The following ARMCX5 variants were observed in gnomAD, a reference collection of about 807,000 sequenced individuals.
ARMCX5 encodes the protein armadillo repeat-containing X-linked protein 5.
ARMCX5 carries 1 observed loss-of-function variant against 7.5 expected under a neutral mutation model. The observed-to-expected ratio is 0.13, with a 90% CI of 0.05 to 0.63. ARMCX5 has a LOEUF of 0.63. ARMCX5 is among the 30% of genes least tolerant of loss of function. The probability of loss-of-function intolerance (pLI) is 0.86; values close to 1 mark genes in which losing one functional copy is unlikely to be tolerated. For missense variants in ARMCX5, 346 were observed against 402.2 expected, an observed-to-expected ratio of 0.86 and a Z score of 1.19; for synonymous variants, 149 against 145.7, an observed-to-expected ratio of 1.02 and a Z score of -0.16.
rs1287872808 is a variant in ARMCX5, at chrX:102,602,915, T to C, written c.774T>C (p.Pro258=). 2 of 1,209,680 alleles carry C rather than the reference T, an allele frequency of 1.7e-6. No individual in the cohort carries two copies. Among genetic ancestry groups the C allele is most frequent in the Non-Finnish European group, 1.1e-6 (1 of 895,112 alleles). The part of the protein sequence containing the change: ...WTLVETLIET[P]LGIRPLTKIP... ...TGGTTGAGACCTTGATTGAAACTCC[T>C]CTGGGGATTCGACCTTTGACCAAGA... Residue 258 remains proline, a synonymous_variant, in exon 4 of 4, where the codon CCT becomes CCC. Transcript: ENST00000473968.
At chrX:102,600,865 T>G (rs759817555) in intron 1 of ARMCX5, 55 bp from the exon 2 acceptor site, 1 of 111,805 alleles carries the variant, frequency 8.9e-6, no homozygotes, top group Non-Finnish European at 1.9e-5. Flanking sequence ...AAAAACAGCC[T>G]CAACTGTCTC....
chrX:102,603,995 A>G lies in ARMCX5; in HGVS notation c.*177A>G, dbSNP rs2081075150. The G allele has an allele frequency of 5.6e-6, 2 of 357,289 alleles. No homozygotes were observed. Among genetic ancestry groups the G allele is most frequent in the Middle Eastern group, 7.4e-4 (1 of 1,348 alleles). The allele number at this position is 357,289 out of a possible 1,213,427, so 29.4% of individuals were successfully genotyped here. A position where few individuals can be genotyped will look rare whatever the true frequency, so the allele number is the denominator to read the frequency against. On this transcript the variant is annotated 3_prime_UTR_variant, in exon 4 of 4. Transcript: ENST00000473968. ...CATGTGCTGATTTTTATTGTGCTAT[A>G]TAGTATATAAATTGAGATATTTTTG... is the stretch of plus-strand genomic sequence containing the variant.
chrX:102,603,299 A>G lies in ARMCX5; in HGVS notation c.1158A>G (p.Pro386=), dbSNP rs751377279. Reference sequence around the variant, plus strand: ...ACAGCTCTGAGTCTTCCGAAGAACCAAAATCAGGGGAGTCATATATACATC... The same window carrying G: ...ACAGCTCTGAGTCTTCCGAAGAACCGAAATCAGGGGAGTCATATATACATC... The part of the protein sequence containing the change: ...VDDSSESSEE[P]KSGESYIHQV... Residue 386 remains proline, a synonymous_variant, in exon 4 of 4, where the codon CCA becomes CCG. Transcript: ENST00000473968. 4.5e-5 allele frequency: 54 copies of G among 1,209,129 alleles called. No homozygotes were observed. The highest frequency in any genetic ancestry group is 5.5e-5 in the Non-Finnish European group (49 of 894,696).
rs753895997 is a variant in ARMCX5 at position 102,602,889 on chromosome X, C to A, written c.748C>A (p.Leu250Met). The change falls in exon 4 of 4, where the codon CTG becomes ATG. Residue 250 changes from leucine to methionine, a missense_variant. Coordinates refer to ENST00000473968, the MANE Select transcript of ARMCX5 (RefSeq NM_001168478.2). Reference sequence around the variant, plus strand: ...CTTGCCTCCAGAAGGAAACTGGACCCTGGTTGAGACCTTGATTGAAACTCC... The same window carrying A: ...CTTGCCTCCAGAAGGAAACTGGACCATGGTTGAGACCTTGATTGAAACTCC... ...QSLPPEGNWT[L>M]VETLIETPLG... 3 of 1,211,389 alleles carry A rather than the reference C, an allele frequency of 2.5e-6. No individual in the cohort carries two copies. Among genetic ancestry groups the A allele is most frequent in the Non-Finnish European group, 3.4e-6 (3 of 895,294 alleles).
Position 102,602,141 on chromosome X carries a change from C to G in ARMCX5, c.-1C>G, listed in dbSNP as rs1293848744. 7 of 1,190,078 alleles carry G rather than the reference C, an allele frequency of 5.9e-6. No individual in the cohort carries two copies. On this transcript the variant is annotated 5_prime_UTR_variant, in exon 4 of 4. Transcript: ENST00000473968. Reference sequence around the variant, plus strand: ...ACTTGTCCTTACGTTAAACTTGGAACATGGTTGACTCTGGGACAGAAGCAA... The same window carrying G: ...ACTTGTCCTTACGTTAAACTTGGAAGATGGTTGACTCTGGGACAGAAGCAA...
In ARMCX5 at chrX:102,603,961, G is replaced by A; in HGVS notation, c.*143G>A. On this transcript the variant is annotated 3_prime_UTR_variant, in exon 4 of 4. Coordinates refer to ENST00000473968, the MANE Select transcript of ARMCX5 (RefSeq NM_001168478.2). ...TTTTATGGATACCAATTAATCTTGA[G>A]ATCCTGAACATGTGCTGATTTTTAT... The A allele has an allele frequency of 2.2e-6, 1 of 451,023 alleles. No homozygotes were observed. The highest frequency in any genetic ancestry group is 4.7e-4 in the Middle Eastern group (1 of 2,122). 37.2% of individuals were successfully genotyped at this position (451,023 alleles called of 1,213,427 possible). A position where few individuals can be genotyped will look rare whatever the true frequency, so the allele number is the denominator to read the frequency against.
In ARMCX5 at chrX:102,602,504, G is replaced by T. The variant is rs766774856; in HGVS notation, c.363G>T (p.Lys121Asn). The part of the protein sequence containing the change: ...MPMSRVSTVT[K>N]SEVKVVAVIE... ...TGTCTAGGGTCAGTACTGTAACCAA[G>T]TCTGAAGTCAAGGTTGTTGCTGTCA... Residue 121 changes from lysine to asparagine, a missense_variant, in exon 4 of 4, where the codon AAG becomes AAT. By Grantham distance (94) the Lys-to-Asn change is moderately conservative. This residue lies in a region of ARMCX5 where 204 missense variants were observed against 244.3 expected (regional missense o/e 0.83). Coordinates refer to ENST00000473968, the MANE Select transcript of ARMCX5 (RefSeq NM_001168478.2). 8.3e-7 allele frequency: 1 copy of T among 1,209,788 alleles called. No homozygotes were observed. Among genetic ancestry groups the T allele is most frequent in the Non-Finnish European group, 1.1e-6 (1 of 894,876 alleles).
Position 102,602,125 on chromosome X carries a change from T to TA in ARMCX5, c.-16dup, listed in dbSNP as rs780086263. On this transcript the variant is annotated 5_prime_UTR_variant, in exon 4 of 4. Coordinates refer to ENST00000473968, the MANE Select transcript of ARMCX5 (RefSeq NM_001168478.2). ...CGGGTGGGGGTATATAACTTGTCCT[T>TA]ACGTTAAACTTGGAACATGGTTGAC... The TA allele has an allele frequency of 1.7e-6, 2 of 1,171,327 alleles. No individual in the cohort carries two copies. The highest frequency in any genetic ancestry group is 4.6e-5 in the Admixed American group (2 of 43,452).
rs763262040 is a variant in ARMCX5 at position 102,602,352 on chromosome X, A to C, written c.211A>C (p.Met71Leu). 1 of 1,211,683 alleles carries C rather than the reference A, an allele frequency of 8.3e-7. No individual in the cohort carries two copies. The highest frequency in any genetic ancestry group is 1.8e-5 in the South Asian group (1 of 56,984). Reference sequence around the variant, plus strand: ...ACATACAGTGACCTACAGGGAGGCTATGGCTGTGACAAGGGAAGTGATCAA... The same window carrying C: ...ACATACAGTGACCTACAGGGAGGCTCTGGCTGTGACAAGGGAAGTGATCAA... Reference protein sequence around the residue: ...RTHTVTYREAMAVTREVIKVE... With the variant: ...RTHTVTYREALAVTREVIKVE... Residue 71 changes from methionine (M) to leucine (L), a missense_variant, in exon 4 of 4, where the codon ATG becomes CTG. Physicochemically the swap from Met to Leu is conservative, Grantham distance 15 (BLOSUM62 2). Coordinates refer to ENST00000473968, the MANE Select transcript of ARMCX5 (RefSeq NM_001168478.2).
At position 102,602,488 on chromosome X, in the gene ARMCX5, T is replaced by C; in HGVS notation, c.347T>C (p.Val116Ala). ...TCAAAGGCCATGCCTATGTCTAGGGTCAGTACTGTAACCAAGTCTGAAGTC... is the reference window on the plus strand; with the variant it reads ...TCAAAGGCCATGCCTATGTCTAGGGCCAGTACTGTAACCAAGTCTGAAGTC... ...TKSKAMPMSRVSTVTKSEVKV... is the reference protein window; with the variant it reads ...TKSKAMPMSRASTVTKSEVKV... Residue 116 changes from valine to alanine, a missense_variant, in exon 4 of 4, where the codon GTC (valine) becomes GCC (alanine). Val to Ala is a moderately conservative substitution (Grantham distance 64, BLOSUM62 0). Transcript: ENST00000473968. 8.3e-7 allele frequency: 1 copy of C among 1,211,223 alleles called. No individual in the cohort carries two copies. Among genetic ancestry groups the C allele is most frequent in the South Asian group, 1.8e-5 (1 of 56,974 alleles).
Position 102,603,443 on chromosome X carries a change from T to G in ARMCX5, c.1302T>G (p.Ile434Met). The G allele has an allele frequency of 8.3e-7, 1 of 1,208,360 alleles. No homozygotes were observed. The highest frequency in any genetic ancestry group is 1.1e-6 in the Non-Finnish European group (1 of 892,890). Residue 434 changes from isoleucine to methionine, a missense_variant, in exon 4 of 4, where the codon ATT becomes ATG. Around this residue, in one of 3 missense-constraint regions of ARMCX5, gnomAD observed 139 missense variants for 141.1 expected, o/e 0.99. Coordinates refer to ENST00000473968, the MANE Select transcript of ARMCX5 (RefSeq NM_001168478.2). ...ATCACTATGTGATTACCAGTTATAT[T>G]CCAGATTTCCTCACCTTGTTAAACA... is the stretch of plus-strand genomic sequence containing the variant. ...FEDHYVITSY[I>M]PDFLTLLNKG...
rs1489317559 is a variant in ARMCX5, at chrX:102,599,794, A to ACAG, written c.-472_-470dup. 1 of 105,619 alleles carries ACAG rather than the reference A, an allele frequency of 9.5e-6. No individual in the cohort carries two copies. Among genetic ancestry groups the ACAG allele is most frequent in the Non-Finnish European group, 1.9e-5 (1 of 51,742 alleles). 8.7% of individuals were successfully genotyped at this position (105,619 alleles called of 1,213,427 possible). ...CTGTCTGTTCCTGCTGCTGTATGAC[A>ACAG]CAGCACCTCGAGGCAAGGAAATAAG... is the stretch of plus-strand genomic sequence containing the variant. On this transcript the variant is annotated 5_prime_UTR_variant, in exon 1 of 4. Transcript: ENST00000473968.
rs769008473 is a variant in ARMCX5, at chrX:102,602,996, T to C, written c.855T>C (p.Ile285=). The C allele has an allele frequency of 8.3e-7, 1 of 1,211,132 alleles. No homozygotes were observed. Residue 285 remains isoleucine (I), a synonymous_variant, in exon 4 of 4, where the codon ATT becomes ATC. Coordinates refer to ENST00000473968, the MANE Select transcript of ARMCX5 (RefSeq NM_001168478.2). ...YQTLAEIKKQ[I]RQREKYGPNP... ...CCTTAGCTGAGATCAAAAAACAGAT[T>C]AGGCAAAGGGAAAAGTATGGGCCTA...
At position 102,603,489 on chromosome X, in the gene ARMCX5, T is replaced by C. The variant is rs201473675; in HGVS notation, c.1348T>C (p.Phe450Leu). 1.5e-4 allele frequency: 180 copies of C among 1,207,704 alleles called. No individual in the cohort carries two copies. Among genetic ancestry groups the C allele is most frequent in the Non-Finnish European group, 2.0e-4 (178 of 893,390 alleles). ...AAACAAGGGAAGTGTCAAAACCAAGTTTTATGTTTTAAAAGTGTTTTCGTG... is the reference window on the plus strand; with the variant it reads ...AAACAAGGGAAGTGTCAAAACCAAGCTTTATGTTTTAAAAGTGTTTTCGTG... ...LLNKGSVKTK[F>L]YVLKVFSCLS... The change falls in exon 4 of 4, where the codon TTT becomes CTT. Residue 450 changes from phenylalanine to leucine, a missense_variant. By Grantham distance (22) the Phe-to-Leu change is conservative. This residue lies in a region of ARMCX5 where 139 missense variants were observed against 141.1 expected (regional missense o/e 0.99). Transcript: ENST00000473968.
Position 102,603,899 on chromosome X carries a change from C to A in ARMCX5, c.*81C>A. ...CCAATGCATATTGTAATTATAAATT[C>A]AATACTTATGTTTTCCATGTTGATT... On this transcript the variant is annotated 3_prime_UTR_variant, in exon 4 of 4. Coordinates refer to ENST00000473968, the MANE Select transcript of ARMCX5 (RefSeq NM_001168478.2). The A allele has an allele frequency of 1.6e-6, 1 of 637,519 alleles. No individual in the cohort carries two copies. Among genetic ancestry groups the A allele is most frequent in the Non-Finnish European group, 2.4e-6 (1 of 417,940 alleles). 52.5% of individuals were successfully genotyped at this position (637,519 alleles called of 1,213,427 possible).
Position 102,602,841 on chromosome X carries a change from C to A in ARMCX5, c.700C>A (p.Pro234Thr). Reference sequence around the variant, plus strand: ...AAGGGCCAGGTATATTGTCCTAGTTCCAGTTGAAGGAGGGGAGCAATCCTT... The same window carrying A: ...AAGGGCCAGGTATATTGTCCTAGTTACAGTTGAAGGAGGGGAGCAATCCTT... ...WSRARYIVLV[P>T]VEGGEQSLPP... The change falls in exon 4 of 4, where the codon CCA becomes ACA. Residue 234 changes from proline (P) to threonine (T), a missense_variant. Transcript: ENST00000473968. 1 of 1,209,963 alleles carries A rather than the reference C, an allele frequency of 8.3e-7. No homozygotes were observed. The highest frequency in any genetic ancestry group is 1.1e-6 in the Non-Finnish European group (1 of 894,018).
At position 102,603,447 on chromosome X, in the gene ARMCX5, G is replaced by A. The variant is rs1314602059; in HGVS notation, c.1306G>A (p.Asp436Asn). The part of the protein sequence containing the change: ...DHYVITSYIP[D>N]FLTLLNKGSV... Reference sequence around the variant, plus strand: ...CTATGTGATTACCAGTTATATTCCAGATTTCCTCACCTTGTTAAACAAGGG... The same window carrying A: ...CTATGTGATTACCAGTTATATTCCAAATTTCCTCACCTTGTTAAACAAGGG... Residue 436 changes from aspartate (D) to asparagine (N), a missense_variant, in exon 4 of 4, where the codon GAT becomes AAT. Asp to Asn is a conservative substitution (Grantham distance 23). This residue lies in a region of ARMCX5 where 139 missense variants were observed against 141.1 expected (regional missense o/e 0.99). Coordinates refer to ENST00000473968, the MANE Select transcript of ARMCX5 (RefSeq NM_001168478.2). 6.6e-6 allele frequency: 8 copies of A among 1,206,157 alleles called. No homozygotes were observed. Among genetic ancestry groups the A allele is most frequent in the Non-Finnish European group, 1.1e-6 (1 of 892,457 alleles).
Position 102,603,291 on chromosome X carries a change from G to A in ARMCX5, c.1150G>A (p.Glu384Lys), listed in dbSNP as rs762914687. Reference protein sequence around the residue: ...SMVDDSSESSEEPKSGESYIH... With the variant: ...SMVDDSSESSKEPKSGESYIH... ...GGTGGATGACAGCTCTGAGTCTTCC[G>A]AAGAACCAAAATCAGGGGAGTCATA... is the stretch of plus-strand genomic sequence containing the variant. Residue 384 changes from glutamate to lysine, a missense_variant, in exon 4 of 4, where the codon GAA (glutamate) becomes AAA (lysine). Glu to Lys is a moderately conservative substitution (Grantham distance 56). Coordinates refer to ENST00000473968, the MANE Select transcript of ARMCX5 (RefSeq NM_001168478.2). The A allele has an allele frequency of 1.6e-5, 19 of 1,209,191 alleles. No individual in the cohort carries two copies. Among genetic ancestry groups the A allele is most frequent in the East Asian group, 3.0e-5 (1 of 33,754 alleles).
Position 102,603,898 on chromosome X carries a change from T to G in ARMCX5, c.*80T>G, listed in dbSNP as rs2081074012. The G allele has an allele frequency of 1.6e-6, 1 of 636,277 alleles. No homozygotes were observed. The highest frequency in any genetic ancestry group is 3.4e-5 in the East Asian group (1 of 29,753). 52.4% of individuals were successfully genotyped at this position (636,277 alleles called of 1,213,427 possible). A position where few individuals can be genotyped will look rare whatever the true frequency, so the allele number is the denominator to read the frequency against. On this transcript the variant is annotated 3_prime_UTR_variant, in exon 4 of 4. Coordinates refer to ENST00000473968, the MANE Select transcript of ARMCX5 (RefSeq NM_001168478.2). ...ACCAATGCATATTGTAATTATAAAT[T>G]CAATACTTATGTTTTCCATGTTGAT...
Sources: gnomAD v4.1 joint callset for allele counts on GRCh38, gnomAD v4.1.1 for gene constraint, gnomAD v4.1.1 regional missense constraint, MANE v1.5 for transcripts, NCBI Gene and HGNC (gene_info 2026-07-23, HGNC 2026-07-21) for gene names.